The following NRF1 variants were observed in gnomAD, a reference collection of about 807,000 sequenced individuals.
The protein encoded by NRF1 is alpha palindromic-binding protein.
In NRF1, 5 loss-of-function variants were observed where a neutral mutation model predicts 58.5. That is an observed-to-expected ratio of 0.09 (90% CI 0.04 to 0.18). The LOEUF (loss-of-function observed/expected upper bound fraction) is 0.18, where lower values mean the gene tolerates loss of function less well. Ranked by LOEUF, NRF1 falls within the 10% of genes least tolerant of loss-of-function variation. NRF1 has a pLI of 1.00. For synonymous variants in NRF1, 224 were observed against 246.7 expected (o/e 0.91, Z 0.86); for missense variants, 288 against 657.7 (o/e 0.44, Z 6.15).
chr7:129,659,189 C>T (rs1305209321), intron 2 of NRF1, among the ~76,000 whole-genome samples: 2 of 149,392 alleles, frequency 1.3e-5, no homozygotes, highest in Non-Finnish European at 3.0e-5. Context: ...AGCAACTCTC[C>T]TGTCTCAGCC....
At chr7:129,661,666 A>C (rs1302668297) in intron 2 of NRF1, among the ~76,000 whole-genome samples, 1 of 150,920 alleles carries the variant, frequency 6.6e-6, no homozygotes, top group Non-Finnish European at 1.5e-5. Flanking sequence ...TTTATTGTCC[A>C]TATCACTATC....
intron 1 of NRF1, among the ~76,000 whole-genome samples, chr7:129,641,373 T>C (rs1801285485): frequency 6.6e-6 from 1 of 152,188 alleles, no homozygotes; most frequent in Non-Finnish European, 1.5e-5. Context: ...AACTTGCCAT[T>C]TTGGAAAATG....
intron 8 of NRF1, among the ~76,000 whole-genome samples, chr7:129,716,822 A>G (rs557381023): frequency 1.3e-5 from 2 of 151,518 alleles, no homozygotes; most frequent in African/African-American, 4.9e-5. Context: ...GTGAGCCAAG[A>G]TCGTGCCATT....
At chr7:129,652,196 CATAA>C (rs1801551855) in intron 1 of NRF1, among the ~76,000 whole-genome samples, 1 of 152,118 alleles carries the variant, frequency 6.6e-6, no homozygotes, top group Non-Finnish European at 1.5e-5. Flanking sequence ...AAAAATTTTA[CATAA>C]ATAAATAATT....
At position 129,755,000 on chromosome 7, in the gene NRF1, TTC is replaced by T. The variant is rs777031184; in HGVS notation, c.1349-14_1349-13del. 1.2e-5 allele frequency: 19 copies of T among 1,566,828 alleles called. No homozygotes were observed. In the South Asian group the frequency reaches 2.2e-4, roughly 19 times the overall value. On this transcript the variant is annotated splice_polypyrimidine_tract_variant and intron_variant, in intron 10 of 10. Transcript: ENST00000393232. ...TTGAGCCTGAGCCCCACCAACGGTC[TTC>T]TCTTTGTCTCTCCAGGCCTGGTCCA...
chr7:129,670,894 A>G (rs1277407360), intron 2 of NRF1, among the ~76,000 whole-genome samples: 1 of 152,132 alleles, frequency 6.6e-6, no homozygotes, highest in Non-Finnish European at 1.5e-5. Flanking sequence ...TGTAGAAGAA[A>G]ATTTTTTCAA....
At chr7:129,733,465 CAA>C in intron 10 of NRF1, among the ~76,000 whole-genome samples, 1 of 143,514 alleles carries the variant, frequency 7.0e-6, no homozygotes, top group Admixed American at 6.8e-5. Flanking sequence ...GACTCCGTCT[CAA>C]AAAAAAAAAA....
At position 129,710,508 on chromosome 7, in the gene NRF1, T is replaced by C; in HGVS notation, c.900T>C (p.Leu300=). The change falls in exon 7 of 11, where the codon CTT becomes CTC. Residue 300 remains leucine (L), a synonymous_variant. Transcript: ENST00000393232. ...CAGCCACACATAGTATAGCTCATCT[T>C]GTACCATCACAGACTGTAGTCCAGA... ...QATATHSIAH[L]VPSQTVVQTF... 6.2e-7 allele frequency: 1 copy of C among 1,608,488 alleles called. No homozygotes were observed. Among genetic ancestry groups the C allele is most frequent in the Non-Finnish European group, 8.5e-7 (1 of 1,174,842 alleles).
rs1170647707 is a variant in NRF1 at position 129,677,613 on chromosome 7, G to C, written c.339-19G>C. 2 of 1,611,572 alleles carry C rather than the reference G, an allele frequency of 1.2e-6. No individual in the cohort carries two copies. Among genetic ancestry groups the C allele is most frequent in the Admixed American group, 1.7e-5 (1 of 59,384 alleles). On this transcript the variant is annotated intron_variant, in intron 3 of 10. Transcript: ENST00000393232. The stretch of plus-strand genomic sequence containing the variant: ...CGTCTTTTTAAAACTTTTTATTCTT[G>C]TTTCCTTTTCTGATTCAGGAAACTT...
At chr7:129,694,305 T>C (rs1231882713) in intron 5 of NRF1, among the ~76,000 whole-genome samples, 1 of 152,196 alleles carries the variant, frequency 6.6e-6, no homozygotes, top group African/African-American at 2.4e-5. Flanking sequence ...CGTTTTATTG[T>C]TGTTTGTTTT....
chr7:129,717,783 A>C (rs557496113), intron 9 of NRF1, among the ~76,000 whole-genome samples: 2 of 152,296 alleles, frequency 1.3e-5, no homozygotes, highest in South Asian at 4.1e-4. Flanking sequence ...CTTCCCGTTT[A>C]TCCTATTCTG....
chr7:129,753,922 T>A (rs901547184), intron 10 of NRF1, among the ~76,000 whole-genome samples: 1 of 152,166 alleles, frequency 6.6e-6, no homozygotes, highest in Non-Finnish European at 1.5e-5. Context: ...CTTTTCAAGC[T>A]GAGAGAGACT....
chr7:129,744,141 T>A, intron 10 of NRF1: 1 of 1,500,772 alleles, frequency 6.7e-7, no homozygotes, highest in Non-Finnish European at 8.9e-7. Flanking sequence ...TTTTTTTTTT[T>A]TTTTTTTTTA....
intron 10 of NRF1, 74 bp downstream of exon 10, chr7:129,727,439 A>T: frequency 6.8e-7 from 1 of 1,468,662 alleles, no homozygotes. Context: ...ACTGGCAACA[A>T]AGCCTTCAGA....
intron 10 of NRF1, among the ~76,000 whole-genome samples, chr7:129,731,122 A>G (rs1803567126): frequency 6.6e-6 from 1 of 152,076 alleles, no homozygotes; most frequent in Admixed American, 6.6e-5. Flanking sequence ...AATACAAAAA[A>G]TTAGACAGGC....
chr7:129,627,038 G>C (rs1800935396), intron 1 of NRF1, among the ~76,000 whole-genome samples: 1 of 152,190 alleles, frequency 6.6e-6, no homozygotes, highest in Admixed American at 6.5e-5. Flanking sequence ...ATGGTTAAAA[G>C]GAATACAGTA....
rs561948971 is a variant in NRF1 at position 129,707,530 on chromosome 7, G to GT, written c.607-1544dup. Reference sequence around the variant, plus strand: ...AAGATTAAGCCCTTTCTTGCTCTATGTATTTGAGCCTAGAAAAAGACACAC... The same window carrying GT: ...AAGATTAAGCCCTTTCTTGCTCTATGTTATTTGAGCCTAGAAAAAGACACAC... On this transcript the variant is annotated intron_variant, in intron 5 of 10. Coordinates refer to ENST00000393232, the MANE Select transcript of NRF1 (RefSeq NM_005011.5). Among the ~76,000 whole-genome samples, 28 of 152,192 alleles carry GT rather than the reference G, an allele frequency of 1.8e-4. 1 individual carries two copies. In the South Asian group the frequency reaches 2.9e-3, roughly 16 times the overall value.
chr7:129,692,501 C>T (rs1802593588), intron 5 of NRF1, among the ~76,000 whole-genome samples: 1 of 151,922 alleles, frequency 6.6e-6, no homozygotes, highest in Admixed American at 6.6e-5. Flanking sequence ...TGCAGTGAGC[C>T]GAGATTGTGC....
chr7:129,689,520 T>G (rs1476977012), intron 4 of NRF1, among the ~76,000 whole-genome samples: 1 of 152,212 alleles, frequency 6.6e-6, no homozygotes, highest in Non-Finnish European at 1.5e-5. Context: ...TTCTCCTAAG[T>G]GAATGAACCC....
Sources: gnomAD v4.1 joint callset for allele counts (sites outside exome capture counted in the v4.1 genomes callset) on GRCh38, gnomAD v4.1.1 for gene constraint, MANE v1.5 for transcripts, NCBI Gene and HGNC (gene_info 2026-07-23, HGNC 2026-07-21) for gene names.